PTPRD: variants seen among roughly 807,000 people sequenced by gnomAD.
PTPRD encodes protein tyrosine phosphatase receptor type D.
A neutral mutation model predicts 214.5 loss-of-function variants in PTPRD; 34 were observed. That is an observed-to-expected ratio of 0.16 (90% CI 0.12 to 0.21). The LOEUF (loss-of-function observed/expected upper bound fraction) is 0.21. Ranked by LOEUF, PTPRD falls within the 10% of genes least tolerant of loss-of-function variation. The probability of loss-of-function intolerance (pLI) is 1.00; values close to 1 mark genes in which losing one functional copy is unlikely to be tolerated. For synonymous variants in PTPRD, 1,128 were observed against 845.7 expected, an observed-to-expected ratio of 1.33 and a Z score of -5.79; for missense variants, 2,545 against 2,398.7, an observed-to-expected ratio of 1.06 and a Z score of -1.27.
At position 9,618,020 on chromosome 9, in the gene PTPRD, C is replaced by T. The variant is rs187183615; in HGVS notation, c.-286-43239G>A. On this transcript the variant is annotated intron_variant, in intron 7 of 45. Transcript: ENST00000381196. Reference sequence around the variant, plus strand: ...CCGGGAGGCGGAGCTTGCAGTGAGCCCAGATCGCGCCACTGCACTCCAGCC... The same window carrying T: ...CCGGGAGGCGGAGCTTGCAGTGAGCTCAGATCGCGCCACTGCACTCCAGCC... 8.7e-4 allele frequency among the ~76,000 whole-genome samples: 120 copies of T among 138,604 alleles called. No individual in the cohort carries two copies. In the East Asian group the frequency reaches 0.015, roughly 17 times the overall value. 90.9% of individuals were successfully genotyped at this position (138,604 alleles called of 152,430 possible). A position where few individuals can be genotyped will look rare whatever the true frequency, so the allele number is the denominator to read the frequency against.
chr9:10,352,036 A>G (rs2097192453), intron 2 of PTPRD, among the ~76,000 whole-genome samples: 1 of 152,052 alleles, frequency 6.6e-6, no homozygotes, highest in Non-Finnish European at 1.5e-5. Context: ...GAGAACCACA[A>G]GTGGTGGAAA....
At chr9:9,008,299 C>T (rs2099490938) in intron 11 of PTPRD, among the ~76,000 whole-genome samples, 1 of 151,246 alleles carries the variant, frequency 6.6e-6, no homozygotes, top group Non-Finnish European at 1.5e-5. Flanking sequence ...CCGATCTTGG[C>T]TCACTGCAAG....
intron 12 of PTPRD, among the ~76,000 whole-genome samples, chr9:8,693,734 A>G (rs2097854305): frequency 6.6e-6 from 1 of 152,222 alleles, no homozygotes; most frequent in Admixed American, 6.5e-5. Context: ...ATACATTTGC[A>G]TGTTCATTGC....
At chr9:9,193,980 T>C (rs1050366513) in intron 9 of PTPRD, among the ~76,000 whole-genome samples, 1 of 152,198 alleles carries the variant, frequency 6.6e-6, no homozygotes, top group African/African-American at 2.4e-5. Context: ...ACAGACCTAT[T>C]GTACAGCTGT....
At chr9:8,435,825 C>T (rs907537320) in intron 35 of PTPRD, among the ~76,000 whole-genome samples, 8 of 152,078 alleles carry the variant, frequency 5.3e-5, no homozygotes, top group East Asian at 1.9e-4. Context: ...TAGCATTCAG[C>T]GCACCATTCC....
chr9:9,675,334 G>T (rs973196476), intron 7 of PTPRD, among the ~76,000 whole-genome samples: 5 of 151,718 alleles, frequency 3.3e-5, no homozygotes, highest in African/African-American at 1.2e-4. Flanking sequence ...AAAATATGAA[G>T]AATGCCTAAA....
chr9:9,034,145 T>G (rs970431653), intron 10 of PTPRD, among the ~76,000 whole-genome samples: 2 of 152,168 alleles, frequency 1.3e-5, no homozygotes, highest in Non-Finnish European at 1.5e-5. Flanking sequence ...AAGTGAGTAT[T>G]GCACAGTGCA....
At chr9:10,176,885 TC>T (rs2099251638) in intron 3 of PTPRD, among the ~76,000 whole-genome samples, 2 of 152,014 alleles carry the variant, frequency 1.3e-5, no homozygotes, top group African/African-American at 4.8e-5. Context: ...GATCAGTTTT[TC>T]TTATTTATTC....
At chr9:10,580,082 A>C (rs977639726) in intron 2 of PTPRD, among the ~76,000 whole-genome samples, 4 of 152,218 alleles carry the variant, frequency 2.6e-5, no homozygotes, top group African/African-American at 9.6e-5. Context: ...TTAATTAAGC[A>C]TAAATTATAA....
chr9:9,934,847 A>T (rs1602819823), intron 5 of PTPRD, among the ~76,000 whole-genome samples: 2 of 152,232 alleles, frequency 1.3e-5, no homozygotes, highest in South Asian at 4.1e-4. Context: ...GGCAAAACGA[A>T]TCCAGCAGCA....
At chr9:9,415,430 C>A (rs1027387908) in intron 8 of PTPRD, among the ~76,000 whole-genome samples, 1 of 151,922 alleles carries the variant, frequency 6.6e-6, no homozygotes, top group Non-Finnish European at 1.5e-5. Flanking sequence ...GCCAAGAATG[C>A]GCCACTGCAC....
chr9:9,760,235 T>C (rs189647970), intron 6 of PTPRD, among the ~76,000 whole-genome samples: 3 of 152,284 alleles, frequency 2.0e-5, no homozygotes, highest in Admixed American at 2.0e-4. Context: ...TTTTTTTTGT[T>C]ACTGAAAACA....
chr9:9,658,056 C>G (rs1199501810), intron 7 of PTPRD, among the ~76,000 whole-genome samples: 1 of 152,100 alleles, frequency 6.6e-6, no homozygotes, highest in Non-Finnish European at 1.5e-5. Context: ...CCAGCGGTAT[C>G]TTTTGCAAAG....
intron 5 of PTPRD, among the ~76,000 whole-genome samples, chr9:9,863,836 G>GAAA (rs34403806): frequency 7.4e-6 from 1 of 135,588 alleles, no homozygotes; most frequent in African/African-American, 2.6e-5. Flanking sequence ...ATGCAGGACG[G>GAAA]AAAAAAAAAA....
chr9:8,968,065 C>T (rs2099210556), intron 11 of PTPRD, among the ~76,000 whole-genome samples: 1 of 151,992 alleles, frequency 6.6e-6, no homozygotes. Context: ...TCATCCATGT[C>T]CCTACAAAGG....
intron 5 of PTPRD, among the ~76,000 whole-genome samples, chr9:9,923,778 G>A (rs1053522428): frequency 6.6e-6 from 1 of 151,868 alleles, no homozygotes; most frequent in African/African-American, 2.4e-5. Context: ...TACTTCTCAT[G>A]GGCCGTATTT....
At chr9:10,013,632 A>C (rs1004528585) in intron 4 of PTPRD, among the ~76,000 whole-genome samples, 3 of 151,910 alleles carry the variant, frequency 2.0e-5, no homozygotes, top group African/African-American at 4.8e-5. Flanking sequence ...CAATTACTAC[A>C]AGTGTAATAA....
rs116403067 is a variant in PTPRD at position 10,002,498 on chromosome 9, T to C, written c.-472+31220A>G. Among the ~76,000 whole-genome samples the C allele has an allele frequency of 7.0e-3, 1,055 of 151,070 alleles. 10 individuals are homozygous for C. Among genetic ancestry groups the C allele is most frequent in the African/African-American group, 0.023 (967 of 41,454 alleles). On this transcript the variant is annotated intron_variant, in intron 4 of 45. Transcript: ENST00000381196. Reference sequence around the variant, plus strand: ...GAAAATAAAAGGATGATAAGATACATGTCATGAAAACTGTTACCAAAAGAA... The same window carrying C: ...GAAAATAAAAGGATGATAAGATACACGTCATGAAAACTGTTACCAAAAGAA...
chr9:9,429,588 G>GA (rs757221216), intron 8 of PTPRD, among the ~76,000 whole-genome samples: 2 of 151,904 alleles, frequency 1.3e-5, no homozygotes, highest in Admixed American at 6.6e-5. Flanking sequence ...GCCTGGCAGA[G>GA]AAAAAACAAA....
Sources: allele counts gnomAD v4.1 joint callset (sites outside exome capture counted in the v4.1 genomes callset), GRCh38; gene constraint gnomAD v4.1.1; transcripts MANE v1.5; gene names NCBI Gene and HGNC (gene_info 2026-07-23, HGNC 2026-07-21).